Variants in MED30 observed in about 807,000 individuals in gnomAD.
The protein encoded by MED30 is mediator of RNA polymerase II transcription subunit 30.
A neutral mutation model predicts 21.7 loss-of-function variants in MED30; 8 were observed. The observed-to-expected ratio is 0.37, with a 90% CI of 0.22 to 0.67. The LOEUF (loss-of-function observed/expected upper bound fraction) is 0.67, where lower values mean the gene tolerates loss of function less well. MED30 is among the 30% of genes least tolerant of loss of function. The pLI is 0.58. For missense variants in MED30, 203 were observed against 228.2 expected (o/e 0.89, Z 0.71); for synonymous variants, 79 against 86.7 (o/e 0.91, Z 0.49).
chr8:117,521,119 T>G, intron 1 of MED30, 66 bp downstream of exon 1: 1 of 1,452,482 alleles, frequency 6.9e-7, no homozygotes, highest in Admixed American at 2.3e-5. Context: ...TGGTTTCCTC[T>G]TTACGTGGGG....
Position 117,520,764 on chromosome 8 carries a change from G to C in MED30, c.-113G>C. On this transcript the variant is annotated 5_prime_UTR_variant, in exon 1 of 4. Transcript: ENST00000297347. ...GCGGCCGCTGTTTTGAAATCGGGCC[G>C]CGGGGGGTCTCTCAAGCTGGTTCCA... The C allele has an allele frequency of 3.6e-6, 4 of 1,105,478 alleles. No individual in the cohort carries two copies. Among genetic ancestry groups the C allele is most frequent in the Non-Finnish European group, 5.0e-6 (4 of 807,610 alleles). 68.5% of individuals were successfully genotyped at this position (1,105,478 alleles called of 1,614,324 possible).
intron 3 of MED30, among the ~76,000 whole-genome samples, chr8:117,535,963 A>G (rs1818872862): frequency 6.6e-6 from 1 of 151,996 alleles, no homozygotes; most frequent in Admixed American, 6.6e-5. Context: ...TTTTGAAATG[A>G]TTGGCAATAA....
At chr8:117,527,852 T>C (rs1049420017) in intron 1 of MED30, among the ~76,000 whole-genome samples, 1 of 151,866 alleles carries the variant, frequency 6.6e-6, no homozygotes, top group African/African-American at 2.4e-5. Context: ...GAATAAAATA[T>C]TGTACAGCTG....
chr8:117,523,550 G>A (rs932693958), intron 1 of MED30: 2 of 1,600,922 alleles, frequency 1.2e-6, no homozygotes, highest in Admixed American at 1.7e-5. Context: ...TCATTGGTAA[G>A]GTACCAGTAG....
intron 1 of MED30, among the ~76,000 whole-genome samples, chr8:117,524,391 A>G (rs1586860304): frequency 6.6e-6 from 1 of 152,234 alleles, no homozygotes; most frequent in East Asian, 1.9e-4. Context: ...CATTTGTTTT[A>G]AAGAAGTGGT....
chr8:117,530,588 C>T, intron 2 of MED30, 135 bp from the exon 3 acceptor site: 1 of 587,086 alleles, frequency 1.7e-6, no homozygotes, highest in Non-Finnish European at 2.9e-6. Context: ...TTATTTCAGG[C>T]CATCACCTGA....
chr8:117,534,825 T>C (rs1232186298), intron 3 of MED30, among the ~76,000 whole-genome samples: 1 of 148,086 alleles, frequency 6.8e-6, no homozygotes, highest in Non-Finnish European at 1.5e-5. Context: ...GAAAATAAAA[T>C]TAACTGCTAA....
At chr8:117,525,790 A>G (rs1476306291) in intron 1 of MED30, among the ~76,000 whole-genome samples, 1 of 152,080 alleles carries the variant, frequency 6.6e-6, no homozygotes, top group African/African-American at 2.4e-5. Context: ...GTAGCTGCCT[A>G]TCTTTTATGT....
chr8:117,525,896 G>A (rs1586861014), intron 1 of MED30, among the ~76,000 whole-genome samples: 2 of 152,070 alleles, frequency 1.3e-5, no homozygotes, highest in Middle Eastern at 3.4e-3. Context: ...TTTTCCACAT[G>A]TATTTTAGAA....
At chr8:117,529,840 A>G (rs1399118631) in intron 2 of MED30, among the ~76,000 whole-genome samples, 1 of 152,000 alleles carries the variant, frequency 6.6e-6, no homozygotes, top group Non-Finnish European at 1.5e-5. Flanking sequence ...CAGAGTAATC[A>G]GGGCACAGGA....
At chr8:117,522,874 A>G (rs1413855722) in intron 1 of MED30, among the ~76,000 whole-genome samples, 2 of 152,170 alleles carry the variant, frequency 1.3e-5, no homozygotes, top group Non-Finnish European at 2.9e-5. Flanking sequence ...GTCCTGTTAT[A>G]TGCAAAGCAC....
At chr8:117,526,297 T>C (rs1416112134) in intron 1 of MED30, among the ~76,000 whole-genome samples, 2 of 152,220 alleles carry the variant, frequency 1.3e-5, no homozygotes, top group South Asian at 2.1e-4. Flanking sequence ...CTCTTTCTTC[T>C]CTAATTGCAT....
At chr8:117,530,891 A>G in intron 3 of MED30, 64 bp downstream of exon 3, 1 of 1,082,766 alleles carries the variant, frequency 9.2e-7, no homozygotes, top group Non-Finnish European at 1.4e-6. Flanking sequence ...AGGGAGTCTG[A>G]TGTAACTCCA....
intron 3 of MED30, among the ~76,000 whole-genome samples, chr8:117,537,624 T>A (rs796669116): frequency 2.6e-4 from 40 of 152,238 alleles, no homozygotes; most frequent in African/African-American, 8.7e-4. Context: ...GTTACTTTTT[T>A]AAAAAACAAT....
chr8:117,521,516 C>T (rs1041917347), intron 1 of MED30, among the ~76,000 whole-genome samples: 1 of 152,152 alleles, frequency 6.6e-6, no homozygotes, highest in African/African-American at 2.4e-5. Flanking sequence ...GTACTGTAGT[C>T]TGTATACTTG....
chr8:117,537,578 G>C (rs1818902058), intron 3 of MED30, among the ~76,000 whole-genome samples: 1 of 151,944 alleles, frequency 6.6e-6, no homozygotes, highest in South Asian at 2.1e-4. Flanking sequence ...CCCCAGTGTT[G>C]AATATTATCT....
chr8:117,523,363 G>T, intron 1 of MED30: 1 of 1,530,852 alleles, frequency 6.5e-7, no homozygotes. Flanking sequence ...GGCACCAGGG[G>T]GCACAGCACT....
At position 117,523,312 on chromosome 8, in the gene MED30, A is replaced by T. The variant is rs982298775; in HGVS notation, c.177+2259A>T. 7 of 1,374,024 alleles carry T rather than the reference A, an allele frequency of 5.1e-6. No homozygotes were observed. The African/African-American group carries it at 5.7e-5, about 11-fold the overall frequency. 85.1% of individuals were successfully genotyped at this position (1,374,024 alleles called of 1,614,324 possible). ...ACGACCAAATCCGCCTCTAAACTGG[A>T]ATTCGGTTGTTGACCCAGCCCCAGT... On this transcript the variant is annotated intron_variant, in intron 1 of 3. Transcript: ENST00000297347.
chr8:117,521,868 C>T (rs2130807626), intron 1 of MED30, among the ~76,000 whole-genome samples: 1 of 152,302 alleles, frequency 6.6e-6, no homozygotes, highest in East Asian at 1.9e-4. Flanking sequence ...AATAATGCTG[C>T]TATGAACTTT....
Sources: gnomAD v4.1 joint callset for allele counts (sites outside exome capture counted in the v4.1 genomes callset) on GRCh38, gnomAD v4.1.1 for gene constraint, MANE v1.5 for transcripts, NCBI Gene and HGNC (gene_info 2026-07-23, HGNC 2026-07-21) for gene names.